The following RIMS2 variants were observed in gnomAD, a reference collection of about 807,000 sequenced individuals.
RIMS2 encodes regulating synaptic membrane exocytosis protein 2.
A neutral mutation model predicts 174.4 loss-of-function variants in RIMS2; 59 were observed. That is an observed-to-expected ratio of 0.34 (90% CI 0.27 to 0.42). The LOEUF (loss-of-function observed/expected upper bound fraction) is 0.42, where lower values mean the gene tolerates loss of function less well. RIMS2 is among the 10% of genes least tolerant of loss of function. The probability of loss-of-function intolerance (pLI) is 1.00; values close to 1 mark genes in which losing one functional copy is unlikely to be tolerated. For missense variants in RIMS2, 1,620 were observed against 1,666.3 expected (o/e 0.97, Z 0.48); for synonymous variants, 606 against 572.5 (o/e 1.06, Z -0.84).
At chr8:103,586,070 C>G (rs1246978472) in intron 1 of RIMS2, among the ~76,000 whole-genome samples, 1 of 151,974 alleles carries the variant, frequency 6.6e-6, no homozygotes, top group South Asian at 2.1e-4. Context: ...CTATATGCAT[C>G]AAAAACTGGA....
At chr8:103,751,200 G>A (rs2097885901) in intron 2 of RIMS2, among the ~76,000 whole-genome samples, 2 of 152,084 alleles carry the variant, frequency 1.3e-5, no homozygotes, top group African/African-American at 2.4e-5. Context: ...TGCGGTGTTT[G>A]GTTTTTTGTC....
At chr8:104,117,963 A>C (rs13279319) in intron 19 of RIMS2, among the ~76,000 whole-genome samples, 42,363 of 152,112 alleles carry the variant, frequency 0.28, 6,218 homozygotes, top group Middle Eastern at 0.39. Flanking sequence ...TTATGATTAC[A>C]CAGATTGTTT....
chr8:103,507,926 A>G (rs964550001), intron 1 of RIMS2, among the ~76,000 whole-genome samples: 1 of 152,108 alleles, frequency 6.6e-6, no homozygotes, highest in Non-Finnish European at 1.5e-5. Context: ...AATCATATGA[A>G]CACATAAAAA....
chr8:104,212,984 C>T lies in RIMS2; in HGVS notation c.3335-31932C>T, dbSNP rs187179356. On this transcript the variant is annotated intron_variant, in intron 19 of 23. Transcript: ENST00000504942. ...TCAATTTTTTCTTTACCTGTAAACC[C>T]CTATTTATCCTTCAAGTCTCACAAT... Among the ~76,000 whole-genome samples, 64 of 152,194 alleles carry T rather than the reference C, an allele frequency of 4.2e-4. 1 individual carries two copies. The Middle Eastern group carries it at 0.017, about 40-fold the overall frequency.
chr8:103,876,909 T>TATATATATATACACAC (rs71297243), intron 3 of RIMS2, among the ~76,000 whole-genome samples: 77 of 65,982 alleles, frequency 1.2e-3, no homozygotes, highest in Non-Finnish European at 2.5e-3. Context: ...TATATATATA[T>TATATATATATACACAC]ACACACACAC....
intron 19 of RIMS2, among the ~76,000 whole-genome samples, chr8:104,058,926 A>G (rs948333378): frequency 1.3e-5 from 2 of 152,122 alleles, no homozygotes; most frequent in African/African-American, 2.4e-5. Flanking sequence ...GCATTGGTCT[A>G]TATCTCTGTT....
intron 19 of RIMS2, among the ~76,000 whole-genome samples, chr8:104,199,831 G>A (rs1314046900): frequency 6.6e-6 from 1 of 152,162 alleles, no homozygotes; most frequent in Non-Finnish European, 1.5e-5. Context: ...TGAACTGGGT[G>A]GCGCTGGAAA....
intron 1 of RIMS2, among the ~76,000 whole-genome samples, chr8:103,577,860 G>A (rs2093357223): frequency 6.6e-6 from 1 of 152,048 alleles, no homozygotes; most frequent in Non-Finnish European, 1.5e-5. Context: ...TGAAGCAGAG[G>A]TAAGAATTAG....
At chr8:103,793,097 T>C (rs201624521) in intron 3 of RIMS2, among the ~76,000 whole-genome samples, 1 of 152,100 alleles carries the variant, frequency 6.6e-6, no homozygotes, top group Non-Finnish European at 1.5e-5. Flanking sequence ...CCAGCATCAT[T>C]CTGATACCAA....
intron 19 of RIMS2, among the ~76,000 whole-genome samples, chr8:104,238,503 T>C (rs909717715): frequency 3.3e-5 from 5 of 151,782 alleles, no homozygotes; most frequent in Non-Finnish European, 7.4e-5. Flanking sequence ...AGAGAAGTCA[T>C]GTCCACAGAG....
At chr8:103,751,024 A>C (rs1229921169) in intron 2 of RIMS2, among the ~76,000 whole-genome samples, 1 of 152,080 alleles carries the variant, frequency 6.6e-6, no homozygotes, top group Non-Finnish European at 1.5e-5. Flanking sequence ...TAAAAAGGGC[A>C]GTTTCCTTGC....
At chr8:103,748,028 G>C (rs779063428) in intron 2 of RIMS2, among the ~76,000 whole-genome samples, 1 of 152,132 alleles carries the variant, frequency 6.6e-6, no homozygotes, top group Non-Finnish European at 1.5e-5. Flanking sequence ...CTTTTTAGCA[G>C]TACAGGAGAA....
chr8:104,078,615 A>G (rs1598364239), intron 19 of RIMS2, among the ~76,000 whole-genome samples: 1 of 152,250 alleles, frequency 6.6e-6, no homozygotes, highest in African/African-American at 2.4e-5. Flanking sequence ...GGACTTCAGT[A>G]TAGGAATTTG....
At chr8:103,644,019 G>A (rs1422320278) in intron 1 of RIMS2, among the ~76,000 whole-genome samples, 1 of 151,932 alleles carries the variant, frequency 6.6e-6, no homozygotes, top group South Asian at 2.1e-4. Flanking sequence ...TTTCAAAATG[G>A]TTACTTTCCT....
intron 19 of RIMS2, among the ~76,000 whole-genome samples, chr8:104,122,050 T>TG (rs1352829560): frequency 6.6e-6 from 1 of 152,088 alleles, no homozygotes; most frequent in Non-Finnish European, 1.5e-5. Context: ...TATATTCTGA[T>TG]GGGGGGACTG....
chr8:103,687,499 A>G (rs1244138405), intron 1 of RIMS2, among the ~76,000 whole-genome samples: 2 of 152,118 alleles, frequency 1.3e-5, no homozygotes, highest in Admixed American at 6.6e-5. Flanking sequence ...TAATTACCAT[A>G]TGCATTATCT....
chr8:103,740,201 G>T (rs1041714412), intron 2 of RIMS2, among the ~76,000 whole-genome samples: 10 of 152,186 alleles, frequency 6.6e-5, no homozygotes, highest in African/African-American at 2.4e-4. Flanking sequence ...GGGCAGTGAA[G>T]AGAAAGGAGG....
At chr8:104,178,442 C>T (rs2098918904) in intron 19 of RIMS2, among the ~76,000 whole-genome samples, 1 of 152,112 alleles carries the variant, frequency 6.6e-6, no homozygotes, top group South Asian at 2.1e-4. Flanking sequence ...CACCTTGTCT[C>T]CCGTTTGTTT....
At chr8:103,882,091 C>T (rs528747081) in intron 3 of RIMS2, among the ~76,000 whole-genome samples, 1 of 151,340 alleles carries the variant, frequency 6.6e-6, no homozygotes, top group Non-Finnish European at 1.5e-5. Context: ...TGTATTATAA[C>T]AGATGAATTA....
Sources: gnomAD v4.1 joint callset for allele counts (sites outside exome capture counted in the v4.1 genomes callset) on GRCh38, gnomAD v4.1.1 for gene constraint, MANE v1.5 for transcripts, NCBI Gene and HGNC (gene_info 2026-07-23, HGNC 2026-07-21) for gene names.